PTGES3: variants seen among roughly 807,000 people sequenced by gnomAD.
PTGES3 encodes the protein Hsp90 co-chaperone.
In PTGES3, 5 loss-of-function variants were observed where a neutral mutation model predicts 29.9. The ratio of observed to expected loss-of-function variants is 0.17; its 90% CI spans 0.09 to 0.35. The LOEUF (loss-of-function observed/expected upper bound fraction) is 0.35, where lower values mean the gene tolerates loss of function less well. Ranked by LOEUF, PTGES3 falls within the 10% of genes least tolerant of loss-of-function variation. The pLI is 1.00. For synonymous variants in PTGES3, 49 were observed against 57.8 expected (o/e 0.85, Z 0.69); for missense variants, 128 against 190.0 (o/e 0.67, Z 1.92).
In PTGES3 at chr12:56,672,941, G is replaced by C. The variant is rs766727297; in HGVS notation, c.116+11C>G. 1 of 1,589,994 alleles carries C rather than the reference G, an allele frequency of 6.3e-7. No individual in the cohort carries two copies. The highest frequency in any genetic ancestry group is 8.6e-7 in the Non-Finnish European group (1 of 1,169,052). ...ACTATTTTACATCATTGGATAAAAA[G>C]CTTAACTTACCTGAATGTAAGTTTG... is the stretch of plus-strand genomic sequence containing the variant. On this transcript the variant is annotated intron_variant, in intron 2 of 7. Transcript: ENST00000262033.
At chr12:56,670,393 G>C in intron 4 of PTGES3, 29 bp from the exon 5 acceptor site, 3 of 1,499,662 alleles carry the variant, frequency 2.0e-6, no homozygotes, top group Non-Finnish European at 1.9e-6. Flanking sequence ...ATCACCCTAA[G>C]ATTAGGCTAA....
chr12:56,666,255 G>A lies in PTGES3; in HGVS notation c.387C>T (p.Asn129=), dbSNP rs1322461682. Reference sequence around the variant, plus strand: ...AATCTACATCCTCATCACCACCCATGTTGTTCATCATCTATTTGAAGTGTA... The same window carrying A: ...AATCTACATCCTCATCACCACCCATATTGTTCATCATCTATTTGAAGTGTA... ...NFDRFSEMMN[N]MGGDEDVDLP... Residue 129 remains asparagine, a synonymous_variant, in exon 6 of 8, where the codon AAC becomes AAT. Coordinates refer to ENST00000262033, the MANE Select transcript of PTGES3 (RefSeq NM_006601.7). 1.2e-6 allele frequency: 2 copies of A among 1,606,082 alleles called. No homozygotes were observed. The highest frequency in any genetic ancestry group is 2.7e-5 in the African/African-American group (2 of 74,634).
chr12:56,678,711 TA>T (rs1397699554), intron 1 of PTGES3, among the ~76,000 whole-genome samples: 1 of 152,186 alleles, frequency 6.6e-6, no homozygotes, highest in Non-Finnish European at 1.5e-5. Context: ...CTTTCAAGGC[TA>T]ACAAAGAGAC....
intron 1 of PTGES3, among the ~76,000 whole-genome samples, chr12:56,684,182 C>T (rs1952718256): frequency 6.6e-6 from 1 of 151,920 alleles, no homozygotes; most frequent in Non-Finnish European, 1.5e-5. Context: ...AAGAGACAAT[C>T]GCTAACCACA....
In PTGES3 at chr12:56,688,232, G is replaced by A. The variant is rs1216904756; in HGVS notation, c.-233C>T. 7.3e-6 allele frequency: 5 copies of A among 682,590 alleles called. No individual in the cohort carries two copies. Among genetic ancestry groups the A allele is most frequent in the South Asian group, 5.7e-5 (2 of 34,976 alleles). 42.3% of individuals were successfully genotyped at this position (682,590 alleles called of 1,614,324 possible). A position where few individuals can be genotyped will look rare whatever the true frequency, so the allele number is the denominator to read the frequency against. ...GGGAGAAGAGGAAAGTGTAGGAAAAGGGGCGCGAGGACGGAGAATGAACGT... is the reference window on the plus strand; with the variant it reads ...GGGAGAAGAGGAAAGTGTAGGAAAAAGGGCGCGAGGACGGAGAATGAACGT... On this transcript the variant is annotated 5_prime_UTR_variant, in exon 1 of 8. Coordinates refer to ENST00000262033, the MANE Select transcript of PTGES3 (RefSeq NM_006601.7).
At chr12:56,677,628 T>G (rs1952319102) in intron 1 of PTGES3, among the ~76,000 whole-genome samples, 5 of 152,156 alleles carry the variant, frequency 3.3e-5, no homozygotes, top group African/African-American at 1.2e-4. Flanking sequence ...TTGAAATGAC[T>G]TCTATCATCT....
chr12:56,670,214 T>A (rs1951950109), intron 5 of PTGES3, 61 bp downstream of exon 5: 3 of 1,136,306 alleles, frequency 2.6e-6, no homozygotes, highest in Admixed American at 1.8e-5. Flanking sequence ...CATATTAAAT[T>A]GACTACATAG....
chr12:56,664,962 C>T, intron 6 of PTGES3, 162 bp from the exon 7 acceptor site: 2 of 985,286 alleles, frequency 2.0e-6, no homozygotes, highest in Non-Finnish European at 2.4e-6. Flanking sequence ...CTAGGTTTAC[C>T]TAAGGTGAAT....
intron 1 of PTGES3, among the ~76,000 whole-genome samples, chr12:56,682,721 G>GAAGAAAAA (rs1952604767): frequency 8.7e-6 from 1 of 114,290 alleles, no homozygotes; most frequent in African/African-American, 3.4e-5. Flanking sequence ...CCATTTAAAA[G>GAAGAAAAA]AAAAAAAAAA....
intron 1 of PTGES3, among the ~76,000 whole-genome samples, chr12:56,674,881 G>A (rs1952163612): frequency 1.5e-5 from 2 of 135,218 alleles, no homozygotes; most frequent in South Asian, 4.9e-4. Flanking sequence ...GTGCATGCCT[G>A]TAATCTCAGC....
At chr12:56,686,066 G>A (rs929551208) in intron 1 of PTGES3, among the ~76,000 whole-genome samples, 10 of 151,644 alleles carry the variant, frequency 6.6e-5, no homozygotes, top group Admixed American at 5.9e-4. Flanking sequence ...GAGCCACCGC[G>A]CCTGGCCTTA....
In PTGES3 at chr12:56,663,863, A is replaced by G. The variant is rs1951697058; in HGVS notation, c.*616T>C. The G allele has an allele frequency of 6.5e-6, 1 of 152,806 alleles. No homozygotes were observed. Among genetic ancestry groups the G allele is most frequent in the Admixed American group, 6.5e-5 (1 of 15,270 alleles). 9.5% of individuals were successfully genotyped at this position (152,806 alleles called of 1,614,324 possible). On this transcript the variant is annotated 3_prime_UTR_variant, in exon 8 of 8. Coordinates refer to ENST00000262033, the MANE Select transcript of PTGES3 (RefSeq NM_006601.7). ...AGATGTAAAAGCTTAAGGGTCAAACAATACCAATTGTATAGGCTTCAAAAA... is the reference window on the plus strand; with the variant it reads ...AGATGTAAAAGCTTAAGGGTCAAACGATACCAATTGTATAGGCTTCAAAAA...
At chr12:56,664,605 T>C (rs564917940) in intron 7 of PTGES3, 107 bp from the exon 8 acceptor site, 131 of 1,392,352 alleles carry the variant, frequency 9.4e-5, no homozygotes, top group Middle Eastern at 1.8e-4. Context: ...AGTTGCCCAA[T>C]GAATTAATAG....
intron 1 of PTGES3, among the ~76,000 whole-genome samples, chr12:56,679,836 G>A (rs1035502814): frequency 4.6e-5 from 7 of 151,864 alleles, no homozygotes; most frequent in African/African-American, 1.2e-4. Flanking sequence ...CACCATGCCC[G>A]GCTAATTTTT....
At chr12:56,666,819 G>A (rs868514781) in intron 5 of PTGES3, among the ~76,000 whole-genome samples, 2 of 152,050 alleles carry the variant, frequency 1.3e-5, no homozygotes, top group South Asian at 4.2e-4. Context: ...TACACACGGG[G>A]TTTCACCATG....
intron 1 of PTGES3, among the ~76,000 whole-genome samples, chr12:56,684,522 C>T (rs926164218): frequency 6.6e-6 from 1 of 152,174 alleles, no homozygotes; most frequent in Non-Finnish European, 1.5e-5. Context: ...TTCGTTCCTA[C>T]ACAGCTGAAT....
At chr12:56,679,111 T>G (rs982948384) in intron 1 of PTGES3, among the ~76,000 whole-genome samples, 1 of 152,044 alleles carries the variant, frequency 6.6e-6, no homozygotes, top group Non-Finnish European at 1.5e-5. Flanking sequence ...AGCAAGACCC[T>G]GACTTAGAGA....
rs541448054 is a variant in PTGES3 at position 56,665,865 on chromosome 12, C to G, written c.438+339G>C. On this transcript the variant is annotated intron_variant, in intron 6 of 7. Transcript: ENST00000262033. ...GGCTGGTCTCGAACTCCTGACCTCA[C>G]GTACTCTGCCCACCTGGCCTGCTGG... The G allele has an allele frequency of 7.8e-6, 7 of 892,832 alleles. No individual in the cohort carries two copies. The African/African-American group carries it at 1.1e-4, about 14-fold the overall frequency. The allele number at this position is 892,832 out of a possible 1,614,324, so 55.3% of individuals were successfully genotyped here. A position where few individuals can be genotyped will look rare whatever the true frequency, so the allele number is the denominator to read the frequency against.
intron 1 of PTGES3, among the ~76,000 whole-genome samples, chr12:56,683,742 G>C (rs1028059606): frequency 2.6e-5 from 4 of 151,458 alleles, no homozygotes; most frequent in African/African-American, 7.3e-5. Context: ...GGCGGATCAC[G>C]AGATCAGGAG....
Sources: allele counts gnomAD v4.1 joint callset (sites outside exome capture counted in the v4.1 genomes callset), GRCh38; gene constraint gnomAD v4.1.1; transcripts MANE v1.5; gene names NCBI Gene and HGNC (gene_info 2026-07-23, HGNC 2026-07-21).